The following KMT5B variants were observed in gnomAD, a reference collection of about 807,000 sequenced individuals.
KMT5B encodes histone-lysine N-methyltransferase KMT5B.
A neutral mutation model predicts 83.2 loss-of-function variants in KMT5B; 10 were observed. The observed-to-expected ratio is 0.12, with a 90% CI of 0.07 to 0.20. The LOEUF (loss-of-function observed/expected upper bound fraction) is 0.20. Among genes scored for constraint, KMT5B ranks in the 10% least tolerant of loss-of-function variants. The probability of loss-of-function intolerance (pLI) is 1.00; values close to 1 mark genes in which losing one functional copy is unlikely to be tolerated. For missense variants in KMT5B, 753 were observed against 1,067.2 expected, an observed-to-expected ratio of 0.71 and a Z score of 4.10; for synonymous variants, 349 against 388.8, an observed-to-expected ratio of 0.90 and a Z score of 1.20.
chr11:68,181,184 C>A (rs1856893096), intron 3 of KMT5B, among the ~76,000 whole-genome samples: 1 of 151,856 alleles, frequency 6.6e-6, no homozygotes, highest in South Asian at 2.1e-4. Flanking sequence ...AAGTTATTCG[C>A]CTGCCTCAAA....
intron 1 of KMT5B, among the ~76,000 whole-genome samples, chr11:68,202,755 G>A (rs1231907735): frequency 6.6e-6 from 1 of 151,892 alleles, no homozygotes; most frequent in Non-Finnish European, 1.5e-5. Flanking sequence ...CACCATGTTG[G>A]TTGGGCTGGT....
chr11:68,163,962 G>T (rs905211818), intron 10 of KMT5B, among the ~76,000 whole-genome samples: 2 of 152,136 alleles, frequency 1.3e-5, no homozygotes, highest in Non-Finnish European at 2.9e-5. Context: ...TGTGGCACCT[G>T]CAGAGACCCG....
intron 1 of KMT5B, among the ~76,000 whole-genome samples, chr11:68,197,623 A>G (rs1858882603): frequency 6.6e-6 from 1 of 152,226 alleles, no homozygotes; most frequent in Admixed American, 6.5e-5. Flanking sequence ...TTTAAATTAA[A>G]TGTGGGTTAA....
chr11:68,212,549 G>A (rs1861044246), intron 1 of KMT5B: 2 of 152,348 alleles, frequency 1.3e-5, no homozygotes, highest in Non-Finnish European at 2.9e-5. Flanking sequence ...CCAAGGCGGA[G>A]GTGACAACGG....
chr11:68,189,823 T>G, intron 2 of KMT5B, 94 bp downstream of exon 2: 1 of 1,288,266 alleles, frequency 7.8e-7, no homozygotes, highest in Non-Finnish European at 1.0e-6. Flanking sequence ...AAAAATTATT[T>G]AAGACAAAAG....
intron 5 of KMT5B, among the ~76,000 whole-genome samples, chr11:68,174,408 GT>G (rs1856148452): frequency 6.6e-6 from 1 of 152,090 alleles, no homozygotes; most frequent in South Asian, 2.1e-4. Flanking sequence ...TGTTCAAAAA[GT>G]TTCAGATTTT....
At chr11:68,175,594 C>A (rs886378031) in intron 4 of KMT5B, among the ~76,000 whole-genome samples, 2 of 152,144 alleles carry the variant, frequency 1.3e-5, no homozygotes, top group Non-Finnish European at 2.9e-5. Flanking sequence ...ATACAGCACA[C>A]CTAATTTAGA....
intron 4 of KMT5B, among the ~76,000 whole-genome samples, chr11:68,178,915 A>C (rs1856642222): frequency 6.6e-6 from 1 of 152,214 alleles, no homozygotes; most frequent in Admixed American, 6.5e-5. Context: ...TCTGACACTT[A>C]AAGGCCAGAT....
intron 1 of KMT5B, among the ~76,000 whole-genome samples, chr11:68,198,151 A>C (rs1858944756): frequency 1.3e-5 from 2 of 152,220 alleles, no homozygotes; most frequent in Admixed American, 6.5e-5. Flanking sequence ...TGGGAGGCCA[A>C]GGCGGGCAGA....
rs751376703 is a variant in KMT5B, at chr11:68,167,118, A to G, written c.1038T>C (p.Asn346=). ...CTGTTTCTCTGAGTCCATATTTGCT[A>G]TTGATAACAGGAGCAGGCGCAGGCA... ...VGLPAPAPVI[N]SKYGLRETDK... The change falls in exon 10 of 11, where the codon AAT becomes AAC. Residue 346 remains asparagine (N), a synonymous_variant. Coordinates refer to ENST00000304363, the MANE Select transcript of KMT5B (RefSeq NM_017635.5). The G allele has an allele frequency of 1.9e-6, 3 of 1,614,004 alleles. No homozygotes were observed. Among genetic ancestry groups the G allele is most frequent in the South Asian group, 2.2e-5 (2 of 91,064 alleles).
At chr11:68,192,704 C>T (rs1200223987) in intron 1 of KMT5B, among the ~76,000 whole-genome samples, 1 of 152,186 alleles carries the variant, frequency 6.6e-6, no homozygotes, top group African/African-American at 2.4e-5. Flanking sequence ...GTGCTGGCTA[C>T]TCATCACCAC....
chr11:68,163,203 A>G (rs1445013621), intron 10 of KMT5B, among the ~76,000 whole-genome samples: 1 of 152,198 alleles, frequency 6.6e-6, no homozygotes, highest in Non-Finnish European at 1.5e-5. Flanking sequence ...GTGGGGGTAC[A>G]CATTCTTCTC....
chr11:68,201,455 T>C (rs1375923161), intron 1 of KMT5B, among the ~76,000 whole-genome samples: 3 of 152,190 alleles, frequency 2.0e-5, no homozygotes, highest in Admixed American at 1.3e-4. Context: ...CCAGGCTCTT[T>C]ATGAGATTAT....
At chr11:68,165,148 A>G (rs74909184) in intron 10 of KMT5B, among the ~76,000 whole-genome samples, 1,962 of 152,328 alleles carry the variant, frequency 0.013, 41 homozygotes, top group African/African-American at 0.041. Context: ...CAACATAGGC[A>G]ACTCTGTGGC....
chr11:68,166,429 A>C, intron 10 of KMT5B: 3 of 1,005,686 alleles, frequency 3.0e-6, no homozygotes, highest in Non-Finnish European at 3.6e-6. Context: ...AGCATGTCAC[A>C]ATACGGCACT....
rs1859461625 is a variant in KMT5B at position 68,158,450 on chromosome 11, C to A, written c.1896G>T (p.Val632=). 3 of 1,613,952 alleles carry A rather than the reference C, an allele frequency of 1.9e-6. No individual in the cohort carries two copies. The highest frequency in any genetic ancestry group is 1.6e-4 in the Middle Eastern group (1 of 6,082). Residue 632 remains valine (V), a synonymous_variant, in exon 11 of 11, where the codon GTG becomes GTT. Coordinates refer to ENST00000304363, the MANE Select transcript of KMT5B (RefSeq NM_017635.5). ...QFAKIEESTP[V]HDSPGKDDAV... is the part of the protein sequence containing the mutation. ...CGTCGTCTTTTCCAGGAGAATCGTG[C>A]ACTGGAGTAGATTCCTCTATTTTTG...
Position 68,156,973 on chromosome 11 carries a change from G to A in KMT5B, c.*715C>T, listed in dbSNP as rs1859338413. ...ATTTTATCTAAAAGGATTGAAAAGA[G>A]TTAAATACAAGGTTTTTAATTTACA... is the stretch of plus-strand genomic sequence containing the variant. On this transcript the variant is annotated 3_prime_UTR_variant, in exon 11 of 11. Transcript: ENST00000304363. The A allele has an allele frequency of 1.3e-5, 2 of 152,228 alleles. No homozygotes were observed. Among genetic ancestry groups the A allele is most frequent in the Non-Finnish European group, 2.9e-5 (2 of 68,002 alleles). The allele number at this position is 152,228 out of a possible 1,614,324, so 9.4% of individuals were successfully genotyped here.
Position 68,171,787 on chromosome 11 carries a change from CAATA to C in KMT5B, c.654-82_654-79del. The C allele has an allele frequency of 1.7e-6, 2 of 1,185,698 alleles. No homozygotes were observed. The highest frequency in any genetic ancestry group is 2.4e-6 in the Non-Finnish European group (2 of 841,496). 73.4% of individuals were successfully genotyped at this position (1,185,698 alleles called of 1,614,324 possible). On this transcript the variant is annotated intron_variant, in intron 6 of 10. Transcript: ENST00000304363. This position sits in a 1 kb window ranked among gnomAD's most constrained non-coding sequence, Gnocchi z 5.1. ...GCTTCTTTTAATAAAATAATCCTGA[CAATA>C]AATATCAGAAACTGAAAAGGCCTAG...
rs1181494517 is a variant in KMT5B at position 68,157,846 on chromosome 11, C to T, written c.2500G>A (p.Gly834Ser). 6.2e-7 allele frequency: 1 copy of T among 1,613,980 alleles called. No individual in the cohort carries two copies. Among genetic ancestry groups the T allele is most frequent in the Admixed American group, 1.7e-5 (1 of 60,010 alleles). ...TCATAGTCATCCTCCTCTTCATCGC[C>T]CTCAGAAGAGGAGGAATCATCTGTA... ...ESTDDSSSSE[G>S]DEEEDDYDDD... Residue 834 changes from glycine (G) to serine (S), a missense_variant, in exon 11 of 11, where the codon GGC becomes AGC. Gly to Ser is a moderately conservative substitution (Grantham distance 56). Coordinates refer to ENST00000304363, the MANE Select transcript of KMT5B (RefSeq NM_017635.5).
Sources: gnomAD v4.1 joint callset for allele counts (sites outside exome capture counted in the v4.1 genomes callset) on GRCh38, gnomAD v4.1.1 for gene constraint, Gnocchi (gnomAD v3.1) non-coding constraint, MANE v1.5 for transcripts, NCBI Gene and HGNC (gene_info 2026-07-23, HGNC 2026-07-21) for gene names.